The following KALRN variants were observed in gnomAD, a reference collection of about 807,000 sequenced individuals.
KALRN encodes kalirin.
In KALRN, 70 loss-of-function variants were observed where a neutral mutation model predicts 353.7. The ratio of observed to expected loss-of-function variants is 0.20; its 90% confidence interval spans 0.16 to 0.24. The LOEUF is 0.24. KALRN is among the 10% of genes least tolerant of loss of function. The pLI is 1.00. For missense variants in KALRN, 2,791 were observed against 3,756.7 expected, an observed-to-expected ratio of 0.74 and a Z score of 6.72; for synonymous variants, 1,391 against 1,434.8, an observed-to-expected ratio of 0.97 and a Z score of 0.69.
chr3:124,398,316 A>G (rs1560802498), intron 12 of KALRN, among the ~76,000 whole-genome samples: 1 of 152,048 alleles, frequency 6.6e-6, no homozygotes, highest in African/African-American at 2.4e-5. Flanking sequence ...TGATAGATTT[A>G]TGTGTGTGTG....
At chr3:124,326,310 A>G (rs2079906016) in intron 7 of KALRN, 139 bp downstream of exon 7, 3 of 571,268 alleles carry the variant, frequency 5.3e-6, no homozygotes, top group Non-Finnish European at 8.7e-6. Flanking sequence ...CTGCCGAGTC[A>G]TTGCAACAAT....
chr3:124,390,314 T>C (rs757678288), intron 11 of KALRN, among the ~76,000 whole-genome samples: 13 of 152,242 alleles, frequency 8.5e-5, no homozygotes, highest in Non-Finnish European at 1.6e-4. Flanking sequence ...ATAAGGAACA[T>C]GGCCAAAGTA....
chr3:124,643,737 T>C (rs924275320), intron 37 of KALRN, among the ~76,000 whole-genome samples: 1 of 152,056 alleles, frequency 6.6e-6, no homozygotes, highest in Non-Finnish European at 1.5e-5. Flanking sequence ...ATCCTCCCAC[T>C]TCAGCCTCCC....
chr3:124,656,475 G>A (rs2084049681), intron 39 of KALRN, among the ~76,000 whole-genome samples: 2 of 152,276 alleles, frequency 1.3e-5, no homozygotes, highest in South Asian at 4.1e-4. Context: ...GCCGGGCGTG[G>A]TGGTGGGCGC....
At chr3:124,287,202 C>T (rs1440195116) in intron 5 of KALRN, among the ~76,000 whole-genome samples, 1 of 152,130 alleles carries the variant, frequency 6.6e-6, no homozygotes, top group African/African-American at 2.4e-5. Flanking sequence ...AGCATTTCCC[C>T]AGCACTGTGT....
intron 10 of KALRN, among the ~76,000 whole-genome samples, chr3:124,377,184 G>A (rs1223568723): frequency 2.0e-5 from 3 of 152,130 alleles, no homozygotes; most frequent in South Asian, 2.1e-4. Flanking sequence ...TTTGTAAAAT[G>A]AAATTAATAA....
chr3:124,369,917 C>G (rs993226966), intron 10 of KALRN, among the ~76,000 whole-genome samples: 1 of 152,106 alleles, frequency 6.6e-6, no homozygotes, highest in Non-Finnish European at 1.5e-5. Context: ...TATTCTAGGT[C>G]CATTCATGTT....
chr3:124,320,669 A>T (rs1466642546), intron 6 of KALRN, among the ~76,000 whole-genome samples: 1 of 152,150 alleles, frequency 6.6e-6, no homozygotes, highest in Non-Finnish European at 1.5e-5. Context: ...AGACTATCTC[A>T]AGAGATAAAG....
chr3:124,655,495 G>A, intron 38 of KALRN, 106 bp from the exon 39 acceptor site: 1 of 814,860 alleles, frequency 1.2e-6, no homozygotes, highest in East Asian at 2.4e-5. Context: ...GGTGTTTTAA[G>A]GGGTCTTGTT....
intron 34 of KALRN, among the ~76,000 whole-genome samples, chr3:124,582,906 A>T (rs1415951907): frequency 6.6e-6 from 1 of 152,118 alleles, no homozygotes; most frequent in South Asian, 2.1e-4. Context: ...AGTAACTGGG[A>T]CCACAGGTAT....
At chr3:124,087,182 G>A (rs918345504) in intron 1 of KALRN, among the ~76,000 whole-genome samples, 1 of 152,078 alleles carries the variant, frequency 6.6e-6, no homozygotes, top group African/African-American at 2.4e-5. Context: ...TTTCTAGCAT[G>A]TTGCATATTA....
chr3:124,054,505 C>G (rs202176286), intron 1 of KALRN, among the ~76,000 whole-genome samples: 2 of 151,634 alleles, frequency 1.3e-5, no homozygotes, highest in East Asian at 3.9e-4. Context: ...CAGTTCCAGT[C>G]CTGACACTTC....
At chr3:124,140,801 G>C (rs1007456735) in intron 1 of KALRN, among the ~76,000 whole-genome samples, 1 of 152,166 alleles carries the variant, frequency 6.6e-6, no homozygotes, top group African/African-American at 2.4e-5. Context: ...TCCCGGGGGG[G>C]GCACAGGGAG....
At chr3:124,354,220 T>G (rs1338898442) in intron 10 of KALRN, among the ~76,000 whole-genome samples, 2 of 152,226 alleles carry the variant, frequency 1.3e-5, no homozygotes, top group African/African-American at 4.8e-5. Flanking sequence ...CCTAATGACA[T>G]AAGTTCTGAG....
chr3:124,315,287 G>A (rs1377959974), intron 6 of KALRN, among the ~76,000 whole-genome samples: 1 of 152,150 alleles, frequency 6.6e-6, no homozygotes, highest in Non-Finnish European at 1.5e-5. Context: ...TTGGGGATTG[G>A]TTCCTATTCA....
At chr3:124,621,630 C>T (rs73191676) in intron 34 of KALRN, among the ~76,000 whole-genome samples, 1 of 152,124 alleles carries the variant, frequency 6.6e-6, no homozygotes, top group Non-Finnish European at 1.5e-5. Context: ...TAGCTCCCCC[C>T]ACTTCCCGGC....
rs779284875 is a variant in KALRN, at chr3:124,496,364, C to G, written c.4886C>G (p.Thr1629Ser). 2.5e-6 allele frequency: 4 copies of G among 1,613,492 alleles called. No homozygotes were observed. Among genetic ancestry groups the G allele is most frequent in the Non-Finnish European group, 3.4e-6 (4 of 1,179,788 alleles). The change falls in exon 33 of 60, where the codon ACC (threonine) becomes AGC (serine). Residue 1629 changes from threonine to serine, a missense_variant. By Grantham distance (58) the Thr-to-Ser change is moderately conservative. Around this residue, in one of 11 missense-constraint regions of KALRN, gnomAD observed 239 missense variants for 351.3 expected, o/e 0.68. Coordinates refer to ENST00000682506, the MANE Select transcript of KALRN (RefSeq NM_001388419.1). The part of the protein sequence containing the change: ...SQGDGSSQPD[T>S]ISIASRTSQN... ...GGGGATGGGAGCAGCCAACCAGACA[C>G]CATCTCCATTGCTTCTAGGACCTCT...
rs553254986 is a variant in KALRN at position 124,424,156 on chromosome 3, G to C, written c.2709+1178G>C. 1.5e-4 allele frequency among the ~76,000 whole-genome samples: 23 copies of C among 152,186 alleles called. No individual in the cohort carries two copies. In the East Asian group the frequency reaches 4.1e-3, roughly 27 times the overall value. ...ACACCACCACTCTCCACAGGTCCCG[G>C]GGGGGTTCCCAGCAGGGCAGGTACC... On this transcript the variant is annotated intron_variant, in intron 15 of 59. Transcript: ENST00000682506.
At chr3:124,664,371 G>GTGTGTGTGTGCGCGCGCGCGCA (rs780486751) in intron 45 of KALRN, among the ~76,000 whole-genome samples, 1 of 77,044 alleles carries the variant, frequency 1.3e-5, no homozygotes, top group African/African-American at 1.1e-4. Flanking sequence ...GTGTGTGTGT[G>GTGTGTGTGTGCGCGCGCGCGCA]CGCGCGCGCG....
Sources: gnomAD v4.1 joint callset for allele counts (sites outside exome capture counted in the v4.1 genomes callset) on GRCh38, gnomAD v4.1.1 for gene constraint, gnomAD v4.1.1 regional missense constraint, MANE v1.5 for transcripts, NCBI Gene and HGNC (gene_info 2026-07-23, HGNC 2026-07-21) for gene names.